TANC2: variants seen among roughly 807,000 people sequenced by gnomAD.
TANC2 encodes the protein protein TANC2.
A neutral mutation model predicts 210.5 loss-of-function variants in TANC2; 26 were observed. The ratio of observed to expected loss-of-function variants is 0.12; its 90% CI spans 0.09 to 0.17. TANC2 has a LOEUF of 0.17. Among genes scored for constraint, TANC2 ranks in the 10% least tolerant of loss-of-function variants. The probability of loss-of-function intolerance (pLI) is 1.00; values close to 1 mark genes in which losing one functional copy is unlikely to be tolerated. For synonymous variants in TANC2, 931 were observed against 967.1 expected (o/e 0.96, Z 0.69); for missense variants, 2,129 against 2,608.9 (o/e 0.82, Z 4.01).
chr17:63,237,749 T>C (rs1234538524), intron 7 of TANC2, 65 bp from the exon 8 acceptor site: 3 of 1,437,306 alleles, frequency 2.1e-6, no homozygotes, highest in Non-Finnish European at 2.8e-6. Flanking sequence ...TTTATCAACT[T>C]TGTCAAAGAT....
rs1028582712 is a variant in TANC2 at position 63,395,709 on chromosome 17, G to C, written c.3052-34G>C. On this transcript the variant is annotated intron_variant, in intron 17 of 27. Coordinates refer to ENST00000689528, the Ensembl canonical transcript of TANC2. ...AGATTGCGAGCTCAGCCACAAGTCT[G>C]TGTTCACACATATCTCCTGTCCTCT... The C allele has an allele frequency of 2.5e-6, 4 of 1,601,922 alleles. No homozygotes were observed. In the African/African-American group the frequency reaches 4.0e-5, roughly 16 times the overall value.
exon 10 of TANC2, chr17:63,314,461 A>G: frequency 6.2e-7 from 1 of 1,613,952 alleles, no homozygotes; most frequent in Non-Finnish European, 8.5e-7. Context: ...GCATCACTAC[A>G]GAGTCAGTGT....
chr17:63,265,544 G>A (rs2043498907), intron 8 of TANC2, among the ~76,000 whole-genome samples: 1 of 152,158 alleles, frequency 6.6e-6, no homozygotes, highest in South Asian at 2.1e-4. Flanking sequence ...TAACTACTTA[G>A]TAAGTGTTTT....
intron 5 of TANC2, among the ~76,000 whole-genome samples, chr17:63,172,923 G>T (rs1478678021): frequency 6.6e-6 from 1 of 152,070 alleles, no homozygotes; most frequent in East Asian, 1.9e-4. Context: ...ATATCTTTTA[G>T]TGGTTTTTGA....
intron 18 of TANC2, chr17:63,396,175 T>A (rs958289865): frequency 9.3e-6 from 4 of 431,214 alleles, no homozygotes; most frequent in Non-Finnish European, 1.7e-5. Flanking sequence ...ATTCTCCATG[T>A]TTTCCTCCCT....
At chr17:63,040,554 A>G (rs139722809) in intron 2 of TANC2, among the ~76,000 whole-genome samples, 2 of 152,218 alleles carry the variant, frequency 1.3e-5, no homozygotes, top group Non-Finnish European at 2.9e-5. Flanking sequence ...TGGGGGCACT[A>G]TTTTAATCCT....
chr17:63,358,305 C>T (rs186253728), intron 14 of TANC2, among the ~76,000 whole-genome samples: 7 of 150,176 alleles, frequency 4.7e-5, no homozygotes, highest in Admixed American at 3.3e-4. Context: ...ATAGATGTAT[C>T]GTTGTCTCAT....
intron 11 of TANC2, among the ~76,000 whole-genome samples, chr17:63,329,388 C>T (rs1037713944): frequency 1.3e-5 from 2 of 152,034 alleles, no homozygotes; most frequent in Non-Finnish European, 2.9e-5. Flanking sequence ...TGTTCAAACT[C>T]ATAACTAAAG....
chr17:63,255,935 T>G (rs1460991886), intron 8 of TANC2, among the ~76,000 whole-genome samples: 8 of 141,246 alleles, frequency 5.7e-5, no homozygotes, highest in African/African-American at 2.1e-4. Flanking sequence ...TGAGACAGTC[T>G]CACTCTGTTG....
At chr17:63,401,774 A>G (rs2048351457) in intron 19 of TANC2, among the ~76,000 whole-genome samples, 2 of 152,200 alleles carry the variant, frequency 1.3e-5, no homozygotes, top group African/African-American at 4.8e-5. Context: ...TGTTGTGGGC[A>G]CAGACCAGGA....
At chr17:63,262,426 G>T (rs1027693490) in intron 8 of TANC2, among the ~76,000 whole-genome samples, 1 of 152,192 alleles carries the variant, frequency 6.6e-6, no homozygotes, top group African/African-American at 2.4e-5. Flanking sequence ...CTGACCTCAA[G>T]AGATCCTCCC....
chr17:63,273,381 T>C (rs1191534769), intron 9 of TANC2, among the ~76,000 whole-genome samples: 3 of 152,162 alleles, frequency 2.0e-5, no homozygotes, highest in South Asian at 2.1e-4. Context: ...AAATATACTT[T>C]GTTTAAAATA....
intron 3 of TANC2, among the ~76,000 whole-genome samples, chr17:63,090,767 C>T (rs552737676): frequency 6.6e-6 from 1 of 152,302 alleles, no homozygotes; most frequent in East Asian, 1.9e-4. Flanking sequence ...CTTCTAGATC[C>T]TTGAGGAATC....
At chr17:63,406,073 A>C in intron 20 of TANC2, 81 bp from the exon 21 acceptor site, 2 of 1,559,858 alleles carry the variant, frequency 1.3e-6, no homozygotes, top group Non-Finnish European at 1.7e-6. Context: ...AGGAATTCCT[A>C]CAGAGTAAGA....
At chr17:63,316,984 GTTA>G (rs1214384017) in intron 10 of TANC2, among the ~76,000 whole-genome samples, 16 of 151,332 alleles carry the variant, frequency 1.1e-4, no homozygotes, top group African/African-American at 2.9e-4. Flanking sequence ...CTTAATATAA[GTTA>G]TTATATATAA....
chr17:63,005,578 A>G (rs1217336213), intron 1 of TANC2, among the ~76,000 whole-genome samples: 14 of 151,776 alleles, frequency 9.2e-5, no homozygotes, highest in Non-Finnish European at 2.9e-5. Flanking sequence ...TTTTCAATCC[A>G]TGAACATGGC....
At chr17:62,973,321 C>G (rs930827387) in intron 1 of TANC2, among the ~76,000 whole-genome samples, 2 of 152,206 alleles carry the variant, frequency 1.3e-5, no homozygotes, top group Non-Finnish European at 2.9e-5. Context: ...CATGAGCCAC[C>G]ATACCCGGCC....
intron 1 of TANC2, among the ~76,000 whole-genome samples, chr17:62,974,214 C>G (rs2031871001): frequency 6.6e-6 from 1 of 152,094 alleles, no homozygotes; most frequent in Non-Finnish European, 1.5e-5. Flanking sequence ...CTCACAGGCC[C>G]CTGTTGTACC....
At chr17:63,026,467 G>A (rs1205254068) in intron 2 of TANC2, among the ~76,000 whole-genome samples, 1 of 152,108 alleles carries the variant, frequency 6.6e-6, no homozygotes, top group Non-Finnish European at 1.5e-5. Flanking sequence ...GTGACAGTAG[G>A]AATAAAGAGA....
Sources: allele counts gnomAD v4.1 joint callset (sites outside exome capture counted in the v4.1 genomes callset), GRCh38; gene constraint gnomAD v4.1.1; transcripts MANE v1.5; gene names NCBI Gene and HGNC (gene_info 2026-07-23, HGNC 2026-07-21).